AOPEP: variants seen among roughly 807,000 people sequenced by gnomAD.
The protein encoded by AOPEP is aminopeptidase O.
A neutral mutation model predicts 98.1 loss-of-function variants in AOPEP; 77 were observed. The observed-to-expected ratio is 0.78, with a 90% CI of 0.65 to 0.95. AOPEP has a LOEUF of 0.95. Among genes scored for constraint, AOPEP ranks in the 40% least tolerant of loss-of-function variants. AOPEP has a pLI of 0.00. For missense variants in AOPEP, 1,024 were observed against 1,024.7 expected (o/e 1.00, Z 0.01); for synonymous variants, 346 against 365.3 (o/e 0.95, Z 0.60).
intron 5 of AOPEP, among the ~76,000 whole-genome samples, chr9:94,879,074 G>A (rs2047289740): frequency 2.6e-5 from 4 of 152,222 alleles, no homozygotes; most frequent in Admixed American, 2.6e-4. Flanking sequence ...AATCTGGGTG[G>A]TGACAGCTGA....
At chr9:94,739,644 C>CA (rs56210021) in intron 1 of AOPEP, among the ~76,000 whole-genome samples, 9,168 of 79,180 alleles carry the variant, frequency 0.12, 396 homozygotes, top group African/African-American at 0.19. Context: ...AACTTCGTCT[C>CA]AAAAAAAAAA....
chr9:94,746,931 G>A (rs1834621127), intron 1 of AOPEP, among the ~76,000 whole-genome samples: 1 of 151,788 alleles, frequency 6.6e-6, no homozygotes, highest in South Asian at 2.1e-4. Context: ...ACAGTGATTT[G>A]CTTTTTTTGT....
At chr9:94,951,240 C>T (rs919426116) in intron 7 of AOPEP, among the ~76,000 whole-genome samples, 3 of 152,234 alleles carry the variant, frequency 2.0e-5, no homozygotes, top group African/African-American at 7.2e-5. Flanking sequence ...TTCCACATGA[C>T]CTGAGCCTCA....
intron 14 of AOPEP, among the ~76,000 whole-genome samples, chr9:95,075,097 A>T (rs1255378347): frequency 6.6e-6 from 1 of 151,860 alleles, no homozygotes; most frequent in African/African-American, 2.4e-5. Context: ...CACCAACTTC[A>T]TCATTTTCCT....
the AOPEP span, among the ~76,000 whole-genome samples, chr9:95,134,363 C>T: frequency 0.12 from 18,264 of 152,206 alleles, 1,416 homozygotes; most frequent in South Asian, 0.2. Flanking sequence ...CAGCCAACCT[C>T]AGGGACTTCC....
chr9:95,149,227 T>G, the AOPEP span, among the ~76,000 whole-genome samples: 2 of 152,124 alleles, frequency 1.3e-5, no homozygotes, highest in South Asian at 4.1e-4. Context: ...GTTTAACAGA[T>G]TTTTAAAACT....
chr9:95,021,226 G>C (rs2063430572), intron 13 of AOPEP, among the ~76,000 whole-genome samples: 3 of 152,152 alleles, frequency 2.0e-5, no homozygotes, highest in Admixed American at 1.3e-4. Context: ...AGAACTCTCT[G>C]TGTTACTGGC....
chr9:94,943,139 A>C (rs1206572018), intron 7 of AOPEP, among the ~76,000 whole-genome samples: 1 of 152,208 alleles, frequency 6.6e-6, no homozygotes, highest in East Asian at 1.9e-4. Flanking sequence ...ATCAAAATTA[A>C]AAACTTTTGT....
At chr9:95,135,739 T>A in the AOPEP span, among the ~76,000 whole-genome samples, 1 of 152,134 alleles carries the variant, frequency 6.6e-6, no homozygotes, top group East Asian at 1.9e-4. Context: ...AGGAAAAAAA[T>A]TGCTTTCAAA....
intron 9 of AOPEP, among the ~76,000 whole-genome samples, chr9:94,964,064 C>G (rs543281314): frequency 2.0e-5 from 3 of 152,328 alleles, no homozygotes; most frequent in African/African-American, 7.2e-5. Flanking sequence ...GACCAGCTAT[C>G]TTGAATGGGA....
intron 2 of AOPEP, among the ~76,000 whole-genome samples, chr9:94,766,010 G>A (rs1192423114): frequency 6.6e-6 from 1 of 152,160 alleles, no homozygotes; most frequent in Non-Finnish European, 1.5e-5. Flanking sequence ...GCGGGTCTGT[G>A]TGCCCTTTAA....
At chr9:95,126,281 TC>T in the AOPEP span, among the ~76,000 whole-genome samples, 103 of 152,360 alleles carry the variant, frequency 6.8e-4, no homozygotes, top group African/African-American at 2.3e-3. Context: ...ATTCTGTGTT[TC>T]TATTATTAGA....
chr9:94,848,685 C>T (rs115889148), intron 5 of AOPEP, among the ~76,000 whole-genome samples: 4,157 of 152,100 alleles, frequency 0.027, 185 homozygotes, highest in African/African-American at 0.095. Flanking sequence ...GAGCTTGACT[C>T]GGAGATGGTT....
the AOPEP span, among the ~76,000 whole-genome samples, chr9:95,126,235 C>T: frequency 2.6e-5 from 4 of 152,132 alleles, no homozygotes; most frequent in African/African-American, 9.7e-5. Context: ...GAGAAAAATC[C>T]TACATGAATA....
chr9:95,059,729 A>G (rs2067159202), intron 13 of AOPEP, among the ~76,000 whole-genome samples: 1 of 152,220 alleles, frequency 6.6e-6, no homozygotes, highest in South Asian at 2.1e-4. Flanking sequence ...ATTGGGATTG[A>G]CAGGAATGAT....
At chr9:95,013,587 G>A (rs980532717) in intron 13 of AOPEP, among the ~76,000 whole-genome samples, 1 of 151,716 alleles carries the variant, frequency 6.6e-6, no homozygotes, top group Non-Finnish European at 1.5e-5. Context: ...TTAATTCTGT[G>A]GTTTATATTT....
the AOPEP span, among the ~76,000 whole-genome samples, chr9:95,097,147 C>A: frequency 3.4e-3 from 513 of 152,318 alleles, 3 homozygotes; most frequent in African/African-American, 0.011. Context: ...ATTTAGGTGC[C>A]TACAAAACAT....
At chr9:94,805,478 TTTTTTGTTTTTTG>T (rs575136961) in intron 5 of AOPEP, among the ~76,000 whole-genome samples, 1,711 of 150,432 alleles carry the variant, frequency 0.011, 28 homozygotes, top group African/African-American at 0.041. Flanking sequence ...AGGTTTTTTG[TTTTTTGTTTTTTG>T]TTTTTTTTTT....
chr9:95,005,568 GAGAC>G lies in AOPEP; in HGVS notation c.2068_2071del (p.Arg690ProfsTer34). 1 of 1,614,042 alleles carries G rather than the reference GAGAC, an allele frequency of 6.2e-7. No individual in the cohort carries two copies. The highest frequency in any genetic ancestry group is 8.5e-7 in the Non-Finnish European group (1 of 1,179,954). ...TCACGAAATGGATTGGAGTGAACCG[GAGAC>G]CCCGAAAACGGAAGCGCAGGGAGAA... On this transcript the variant is annotated frameshift_variant, in exon 13 of 17. Transcript: ENST00000375315. LOFTEE classifies it high-confidence loss of function.
Sources: allele counts gnomAD v4.1 joint callset (sites outside exome capture counted in the v4.1 genomes callset), GRCh38; gene constraint gnomAD v4.1.1; transcripts MANE v1.5; gene names NCBI Gene and HGNC (gene_info 2026-07-23, HGNC 2026-07-21).